MACROD2: variants seen among roughly 807,000 people sequenced by gnomAD.
MACROD2 encodes the protein mono-ADP ribosylhydrolase 2, also known as ADP-ribose glycohydrolase MACROD2.
A neutral mutation model predicts 70.4 loss-of-function variants in MACROD2; 36 were observed. That is an observed-to-expected ratio of 0.51 (90% CI 0.39 to 0.68). The LOEUF (loss-of-function observed/expected upper bound fraction) is 0.68. MACROD2 is among the 30% of genes least tolerant of loss of function. The pLI, the probability that MACROD2 is intolerant of heterozygous loss-of-function variation, is 0.00. For synonymous variants in MACROD2, 172 were observed against 178.8 expected (o/e 0.96, Z 0.30); for missense variants, 496 against 538.4 (o/e 0.92, Z 0.78).
intron 3 of MACROD2, among the ~76,000 whole-genome samples, chr20:14,429,079 T>C (rs2083966483): frequency 1.3e-5 from 2 of 152,202 alleles, no homozygotes; most frequent in Admixed American, 1.3e-4. Flanking sequence ...CCTCTTGGTC[T>C]ATTGTTAATG....
intron 6 of MACROD2, among the ~76,000 whole-genome samples, chr20:15,285,147 TA>T (rs1243996444): frequency 1.3e-5 from 2 of 152,224 alleles, no homozygotes; most frequent in African/African-American, 2.4e-5. Flanking sequence ...TGCCCAATGA[TA>T]ATTTCATTTT....
At chr20:15,242,156 T>C (rs1283620529) in intron 6 of MACROD2, among the ~76,000 whole-genome samples, 3 of 152,170 alleles carry the variant, frequency 2.0e-5, no homozygotes, top group African/African-American at 7.2e-5. Context: ...TATGGTATTC[T>C]TGCCATAGCC....
intron 10 of MACROD2, among the ~76,000 whole-genome samples, chr20:15,912,988 G>C (rs1238102146): frequency 6.6e-6 from 1 of 152,096 alleles, no homozygotes; most frequent in Non-Finnish European, 1.5e-5. Context: ...TTGAATCCCA[G>C]CTCTACCACT....
At chr20:15,529,766 C>G (rs77258120) in intron 8 of MACROD2, among the ~76,000 whole-genome samples, 41 of 152,244 alleles carry the variant, frequency 2.7e-4, no homozygotes, top group Non-Finnish European at 5.4e-4. Context: ...ATCCGCCCCC[C>G]CCACCTTTGA....
chr20:14,121,156 AGT>A lies in MACROD2; in HGVS notation c.271+35429_271+35430del, dbSNP rs1476080939. On this transcript the variant is annotated intron_variant, in intron 3 of 17. Transcript: ENST00000684519. ...GGAAGCATGGAAATGAGAAAACTCT[AGT>A]AACGATTCTGTCAGGGGTGCATAGT... Among the ~76,000 whole-genome samples, 3 of 152,310 alleles carry A rather than the reference AGT, an allele frequency of 2.0e-5. No individual in the cohort carries two copies. The East Asian group carries it at 5.8e-4, about 29-fold the overall frequency.
chr20:15,756,793 A>G (rs183393534), intron 8 of MACROD2, among the ~76,000 whole-genome samples: 1 of 152,314 alleles, frequency 6.6e-6, no homozygotes, highest in African/African-American at 2.4e-5. Context: ...CTTTACTATT[A>G]AGGTGAGTGC....
intron 3 of MACROD2, among the ~76,000 whole-genome samples, chr20:14,396,204 T>A (rs2083578037): frequency 6.6e-6 from 1 of 152,272 alleles, no homozygotes; most frequent in African/African-American, 2.4e-5. Flanking sequence ...TGTACTCTGC[T>A]GTTAGTGAGT....
intron 8 of MACROD2, among the ~76,000 whole-genome samples, chr20:15,630,437 T>C (rs2049271462): frequency 6.6e-6 from 1 of 152,258 alleles, no homozygotes; most frequent in Admixed American, 6.5e-5. Flanking sequence ...GTCCCTTTAG[T>C]AGGCATGTCA....
At chr20:15,126,132 T>C (rs1601107845) in intron 5 of MACROD2, among the ~76,000 whole-genome samples, 1 of 94,060 alleles carries the variant, frequency 1.1e-5, no homozygotes, top group East Asian at 3.4e-4. Context: ...TTTTTTTTTT[T>C]GCTCTTATGA....
At chr20:14,287,061 T>A (rs1192637208) in intron 3 of MACROD2, among the ~76,000 whole-genome samples, 1 of 152,320 alleles carries the variant, frequency 6.6e-6, no homozygotes, top group East Asian at 1.9e-4. Context: ...CTGTTTTCTG[T>A]AGGCTTGCCT....
chr20:14,049,143 A>G (rs1164247920), intron 2 of MACROD2, among the ~76,000 whole-genome samples: 1 of 145,692 alleles, frequency 6.9e-6, no homozygotes, highest in Non-Finnish European at 1.5e-5. Context: ...ACTTCCTCAA[A>G]CCTGTTTGAC....
At chr20:16,016,835 G>A (rs1200400377) in intron 15 of MACROD2, among the ~76,000 whole-genome samples, 1 of 152,148 alleles carries the variant, frequency 6.6e-6, no homozygotes, top group Non-Finnish European at 1.5e-5. Flanking sequence ...CAATTCCATT[G>A]TTCTTAATGG....
intron 8 of MACROD2, among the ~76,000 whole-genome samples, chr20:15,546,391 T>C (rs1291443371): frequency 6.6e-6 from 1 of 152,204 alleles, no homozygotes; most frequent in South Asian, 2.1e-4. Flanking sequence ...TTATTTGCAT[T>C]GTAAGGATGA....
chr20:15,353,934 C>T (rs1029687071), intron 6 of MACROD2, among the ~76,000 whole-genome samples: 14 of 138,218 alleles, frequency 1.0e-4, no homozygotes, highest in Non-Finnish European at 1.7e-4. Flanking sequence ...TTGTGGAAGT[C>T]AGTGTGGCGA....
intron 3 of MACROD2, among the ~76,000 whole-genome samples, chr20:14,486,536 T>TTTTTTTA (rs2084734271): frequency 5.4e-5 from 8 of 148,656 alleles, no homozygotes; most frequent in Non-Finnish European, 8.9e-5. Flanking sequence ...TTTTTTTTTT[T>TTTTTTTA]GAGACAGAGT....
chr20:15,350,174 G>A (rs114476134), intron 6 of MACROD2, among the ~76,000 whole-genome samples: 1,869 of 152,280 alleles, frequency 0.012, 44 homozygotes, highest in African/African-American at 0.041. Flanking sequence ...GGCTTGGTAC[G>A]CCTTGCTTTT....
intron 3 of MACROD2, among the ~76,000 whole-genome samples, chr20:14,164,888 A>G (rs2055244669): frequency 6.6e-6 from 1 of 152,154 alleles, no homozygotes; most frequent in Non-Finnish European, 1.5e-5. Flanking sequence ...CACTTTGCTC[A>G]TGCTTTGGCC....
chr20:14,276,627 TAATA>T (rs1205714797), intron 3 of MACROD2, among the ~76,000 whole-genome samples: 1 of 151,964 alleles, frequency 6.6e-6, no homozygotes, highest in Non-Finnish European at 1.5e-5. Context: ...TAAAGTATAA[TAATA>T]ATAAAATAAA....
chr20:14,446,688 G>C (rs2122972567), intron 3 of MACROD2, among the ~76,000 whole-genome samples: 1 of 152,164 alleles, frequency 6.6e-6, no homozygotes, highest in Non-Finnish European at 1.5e-5. Flanking sequence ...ATGGAGCCCT[G>C]TTTGTGTAAG....
Sources: gnomAD v4.1 joint callset for allele counts (sites outside exome capture counted in the v4.1 genomes callset) on GRCh38, gnomAD v4.1.1 for gene constraint, MANE v1.5 for transcripts, NCBI Gene and HGNC (gene_info 2026-07-23, HGNC 2026-07-21) for gene names.